Variants in PRIM2 observed in about 807,000 individuals in gnomAD.
The protein encoded by PRIM2 is DNA primase subunit 2, also known as DNA primase large subunit.
Under a neutral mutation model 67.3 loss-of-function variants are expected in PRIM2, and 39 were observed. That is an observed-to-expected ratio of 0.58 (90% confidence interval 0.45 to 0.76). The LOEUF is 0.76. PRIM2 is among the 30% of genes least tolerant of loss of function. The probability of loss-of-function intolerance (pLI) is 0.00; values close to 1 mark genes in which losing one functional copy is unlikely to be tolerated. For synonymous variants in PRIM2, 143 were observed against 198.7 expected (o/e 0.72, Z 2.36); for missense variants, 398 against 598.7 (o/e 0.66, Z 3.50).
the PRIM2 span, among the ~76,000 whole-genome samples, chr6:57,232,505 C>T: frequency 3.9e-5 from 6 of 152,130 alleles, no homozygotes; most frequent in East Asian, 1.9e-4. Context: ...GCTGAGATCG[C>T]GCCACTGCAC....
At chr6:57,610,927 A>G (rs1776655762) in intron 12 of PRIM2, among the ~76,000 whole-genome samples, 5 of 152,214 alleles carry the variant, frequency 3.3e-5, no homozygotes, top group Non-Finnish European at 5.9e-5. Context: ...CAGGTAGATC[A>G]TAGTCTAGGT....
the PRIM2 span, among the ~76,000 whole-genome samples, chr6:57,269,576 A>G: frequency 7.9e-5 from 12 of 152,084 alleles, no homozygotes; most frequent in African/African-American, 2.2e-4. Flanking sequence ...CCCATTCTGT[A>G]GGTTGCCTGT....
At chr6:57,425,147 G>T (rs72873516) in intron 7 of PRIM2, among the ~76,000 whole-genome samples, 1 of 152,014 alleles carries the variant, frequency 6.6e-6, no homozygotes, top group Admixed American at 6.6e-5. Flanking sequence ...ATTATGCAGC[G>T]TGTATTTAAA....
chr6:57,423,445 A>G (rs1771525241), intron 7 of PRIM2, among the ~76,000 whole-genome samples: 1 of 152,192 alleles, frequency 6.6e-6, no homozygotes, highest in Admixed American at 6.5e-5. Context: ...AGACAACACA[A>G]ACTTTACATT....
the PRIM2 span, among the ~76,000 whole-genome samples, chr6:57,277,285 C>A: frequency 4.6e-5 from 7 of 152,162 alleles, no homozygotes; most frequent in Non-Finnish European, 1.0e-4. Flanking sequence ...CAGCAGTGAA[C>A]AAATCAGCCC....
At chr6:57,629,068 A>C (rs1477113444) in intron 12 of PRIM2, among the ~76,000 whole-genome samples, 3 of 152,174 alleles carry the variant, frequency 2.0e-5, no homozygotes, top group Admixed American at 6.5e-5. Flanking sequence ...CCCCTCAGCA[A>C]GTTGTATTAG....
At chr6:57,281,421 G>A in the PRIM2 span, among the ~76,000 whole-genome samples, 3 of 152,182 alleles carry the variant, frequency 2.0e-5, no homozygotes, top group Admixed American at 6.5e-5. Context: ...CACCAACAGT[G>A]TATGAGGGTT....
intron 3 of PRIM2, among the ~76,000 whole-genome samples, chr6:57,321,444 T>C (rs1442934921): frequency 6.6e-6 from 1 of 152,034 alleles, no homozygotes; most frequent in Non-Finnish European, 1.5e-5. Flanking sequence ...GTTGGAATCA[T>C]CAGGAGTAGG....
At chr6:57,396,472 C>T (rs1050448299) in intron 7 of PRIM2, among the ~76,000 whole-genome samples, 45 of 152,172 alleles carry the variant, frequency 3.0e-4, no homozygotes, top group African/African-American at 1.1e-3. Flanking sequence ...AATAGCTACC[C>T]CTGCTCACTT....
intron 12 of PRIM2, among the ~76,000 whole-genome samples, chr6:57,613,515 C>T (rs1309138079): frequency 6.6e-6 from 1 of 152,150 alleles, no homozygotes; most frequent in Non-Finnish European, 1.5e-5. Context: ...AATTCTAACC[C>T]TTATCCCTCT....
intron 6 of PRIM2, among the ~76,000 whole-genome samples, chr6:57,380,575 G>C (rs1170423116): frequency 6.6e-6 from 1 of 152,160 alleles, no homozygotes; most frequent in Non-Finnish European, 1.5e-5. Flanking sequence ...AGAAGGGGAA[G>C]AGGGAAGAGT....
chr6:57,516,728 AAG>A (rs1365607725), intron 8 of PRIM2, among the ~76,000 whole-genome samples: 8,702 of 152,204 alleles, frequency 0.057, 288 homozygotes, highest in Non-Finnish European at 0.068. Context: ...TTAGCATTCT[AAG>A]AGTTTGTTTT....
intron 10 of PRIM2, among the ~76,000 whole-genome samples, chr6:57,579,209 T>G (rs1776030968): frequency 6.6e-6 from 1 of 151,152 alleles, no homozygotes; most frequent in Admixed American, 6.6e-5. Context: ...GAGGCAGCCC[T>G]TAGGGAATTT....
At chr6:57,475,283 GT>G (rs1773450131) in intron 7 of PRIM2, among the ~76,000 whole-genome samples, 1 of 152,116 alleles carries the variant, frequency 6.6e-6, no homozygotes, top group Non-Finnish European at 1.5e-5. Context: ...TGTTCACAGA[GT>G]TGTGCAACCA....
At chr6:57,618,239 G>A (rs1776788201) in intron 12 of PRIM2, among the ~76,000 whole-genome samples, 1 of 152,138 alleles carries the variant, frequency 6.6e-6, no homozygotes. Context: ...AATTCCATAT[G>A]AATTTGAGGA....
chr6:57,345,697 G>A (rs924535093), intron 5 of PRIM2, among the ~76,000 whole-genome samples: 9 of 152,180 alleles, frequency 5.9e-5, no homozygotes, highest in Non-Finnish European at 1.0e-4. Flanking sequence ...AGTCCGTAGA[G>A]TAAAGTGAAA....
Position 57,452,570 on chromosome 6 carries a change from C to T in PRIM2, c.694-54817C>T, listed in dbSNP as rs1772593967. On this transcript the variant is annotated intron_variant, in intron 7 of 13. Transcript: ENST00000615550. ...CGTTTTTTCATGTGTCTTTTGGCTG[C>T]ATAAATGTCTTCTTTTGAGAAGTGT... 3.9e-5 allele frequency among the ~76,000 whole-genome samples: 6 copies of T among 152,322 alleles called. No homozygotes were observed. In the East Asian group the frequency reaches 1.2e-3, roughly 29 times the overall value.
intron 5 of PRIM2, among the ~76,000 whole-genome samples, chr6:57,337,812 A>G (rs1188476334): frequency 1.3e-5 from 2 of 152,172 alleles, no homozygotes; most frequent in Non-Finnish European, 2.9e-5. Flanking sequence ...AAAAGCAAGA[A>G]CAGACAAATT....
chr6:57,419,946 G>T (rs1771408229), intron 7 of PRIM2, among the ~76,000 whole-genome samples: 1 of 152,172 alleles, frequency 6.6e-6, no homozygotes, highest in African/African-American at 2.4e-5. Flanking sequence ...AAACAGAACA[G>T]GACTTTGATT....
Sources: allele counts gnomAD v4.1 joint callset (sites outside exome capture counted in the v4.1 genomes callset), GRCh38; gene constraint gnomAD v4.1.1; transcripts MANE v1.5; gene names NCBI Gene and HGNC (gene_info 2026-07-23, HGNC 2026-07-21).